Variants in NBAS observed in about 807,000 individuals in gnomAD.
NBAS encodes the protein NAG/BC035112 fusion.
In NBAS, 219 loss-of-function variants were observed where a neutral mutation model predicts 302.5. That is an observed-to-expected ratio of 0.72 (90% CI 0.65 to 0.81). NBAS has a LOEUF of 0.81. Among genes scored for constraint, NBAS ranks in the 30% least tolerant of loss-of-function variants. The pLI, the probability that NBAS is intolerant of heterozygous loss-of-function variation, is 0.00. For synonymous variants in NBAS, 1,118 were observed against 1,021.6 expected (o/e 1.09, Z -1.80); for missense variants, 2,932 against 2,841.6 (o/e 1.03, Z -0.72).
intron 25 of NBAS, among the ~76,000 whole-genome samples, chr2:15,403,427 T>C (rs1221128204): frequency 2.6e-5 from 4 of 152,154 alleles, no homozygotes; most frequent in Admixed American, 6.5e-5. Flanking sequence ...CCAAAATATC[T>C]GGGGGAAAAA....
intron 31 of NBAS, among the ~76,000 whole-genome samples, chr2:15,369,430 C>T (rs187169415): frequency 8.9e-4 from 135 of 152,314 alleles, no homozygotes; most frequent in Non-Finnish European, 1.5e-3. Context: ...ATGCACACTA[C>T]TAATATTTGA....
At chr2:14,838,477 G>T in the NBAS span, among the ~76,000 whole-genome samples, 12 of 151,628 alleles carry the variant, frequency 7.9e-5, no homozygotes, top group Non-Finnish European at 1.5e-4. Flanking sequence ...CTTTTATCTG[G>T]TTATATATGC....
chr2:15,377,599 G>A (rs1674808171), intron 30 of NBAS, among the ~76,000 whole-genome samples: 1 of 152,152 alleles, frequency 6.6e-6, no homozygotes. Flanking sequence ...GGAAAAAAGT[G>A]GATTTGCACA....
chr2:15,459,884 T>G (rs1679431442), intron 21 of NBAS, among the ~76,000 whole-genome samples: 1 of 152,120 alleles, frequency 6.6e-6, no homozygotes, highest in Admixed American at 6.5e-5. Flanking sequence ...ACCTACAACT[T>G]AAAGTAAATA....
intron 40 of NBAS, among the ~76,000 whole-genome samples, chr2:15,298,822 T>C (rs1670665617): frequency 6.6e-6 from 1 of 152,186 alleles, no homozygotes; most frequent in Admixed American, 6.5e-5. Flanking sequence ...CCTATCAAGC[T>C]GGGGATGTGC....
chr2:15,087,765 C>G, the NBAS span, among the ~76,000 whole-genome samples: 3 of 152,156 alleles, frequency 2.0e-5, no homozygotes, highest in Non-Finnish European at 2.9e-5. Context: ...AGGCGGTGTA[C>G]CATTCACATG....
chr2:15,434,986 A>G (rs1292437771), intron 21 of NBAS, among the ~76,000 whole-genome samples: 4 of 152,244 alleles, frequency 2.6e-5, no homozygotes, highest in Admixed American at 6.5e-5. Context: ...TTCACATTAC[A>G]TGAAGACAAG....
chr2:15,114,066 A>C, the NBAS span, among the ~76,000 whole-genome samples: 1 of 152,196 alleles, frequency 6.6e-6, no homozygotes, highest in East Asian at 1.9e-4. Context: ...AAATTACAGG[A>C]ATCAATCAGC....
the NBAS span, among the ~76,000 whole-genome samples, chr2:14,879,831 G>C: frequency 6.6e-6 from 1 of 152,178 alleles, no homozygotes; most frequent in Non-Finnish European, 1.5e-5. Flanking sequence ...AGAAAAGAGA[G>C]TGCATCATAC....
intron 48 of NBAS, among the ~76,000 whole-genome samples, chr2:15,207,737 A>T (rs962530372): frequency 2.6e-5 from 4 of 152,138 alleles, no homozygotes; most frequent in African/African-American, 9.7e-5. Flanking sequence ...CACCTTTTGA[A>T]GAAGGTGCTT....
At chr2:15,194,442 T>C (rs1308012564) in intron 48 of NBAS, among the ~76,000 whole-genome samples, 1 of 152,130 alleles carries the variant, frequency 6.6e-6, no homozygotes, top group Non-Finnish European at 1.5e-5. Context: ...CTACAAATTC[T>C]TTATCTGGCA....
the NBAS span, among the ~76,000 whole-genome samples, chr2:15,120,819 T>C: frequency 6.6e-6 from 1 of 152,226 alleles, no homozygotes; most frequent in Non-Finnish European, 1.5e-5. Flanking sequence ...AACTGCTTCC[T>C]TTCTCTTTAC....
intron 48 of NBAS, among the ~76,000 whole-genome samples, chr2:15,207,110 C>A (rs942639065): frequency 6.6e-6 from 1 of 152,200 alleles, no homozygotes; most frequent in African/African-American, 2.4e-5. Context: ...GGAGGCTGTA[C>A]CCTGCAGAGC....
chr2:15,309,094 A>G, intron 39 of NBAS, 77 bp downstream of exon 39: 2 of 1,185,450 alleles, frequency 1.7e-6, no homozygotes, highest in Non-Finnish European at 2.4e-6. Flanking sequence ...GCAATAAACA[A>G]TTTTACCGAT....
At chr2:14,945,594 T>C in the NBAS span, among the ~76,000 whole-genome samples, 1 of 152,102 alleles carries the variant, frequency 6.6e-6, no homozygotes, top group Admixed American at 6.5e-5. Flanking sequence ...TAAAATAATT[T>C]TTAAAAATCA....
intron 27 of NBAS, among the ~76,000 whole-genome samples, chr2:15,395,179 G>T (rs1437921269): frequency 6.6e-6 from 1 of 152,068 alleles, no homozygotes. Context: ...TTGAGGTACT[G>T]ATGGCATATT....
the NBAS span, among the ~76,000 whole-genome samples, chr2:14,909,388 A>AAAAAAAAAAAAAAG: frequency 7.1e-6 from 1 of 140,524 alleles, no homozygotes; most frequent in African/African-American, 2.7e-5. Flanking sequence ...AAAAAAAAAA[A>AAAAAAAAAAAAAAG]AGATTTCCCA....
At chr2:15,182,780 G>A (rs1289341520) in intron 50 of NBAS, among the ~76,000 whole-genome samples, 1 of 152,184 alleles carries the variant, frequency 6.6e-6, no homozygotes. Context: ...GGACCTGTGA[G>A]AAAGTCACTC....
At chr2:15,234,459 T>C (rs1380616371) in intron 46 of NBAS, 86 bp downstream of exon 46, 6 of 1,369,572 alleles carry the variant, frequency 4.4e-6, no homozygotes, top group Middle Eastern at 1.8e-4. Context: ...ACTTATAAAA[T>C]GCTTTTACAT....
Sources: gnomAD v4.1 joint callset for allele counts (sites outside exome capture counted in the v4.1 genomes callset) on GRCh38, gnomAD v4.1.1 for gene constraint, MANE v1.5 for transcripts, NCBI Gene and HGNC (gene_info 2026-07-23, HGNC 2026-07-21) for gene names.